Variants in RBFOX1 observed in about 807,000 individuals in gnomAD.
RBFOX1 encodes RNA binding protein fox-1 homolog 1.
Under a neutral mutation model 57.7 loss-of-function variants are expected in RBFOX1, and 8 were observed. The observed-to-expected ratio is 0.14, with a 90% CI of 0.08 to 0.25. The LOEUF is 0.25. RBFOX1 is among the 10% of genes least tolerant of loss of function. The probability of loss-of-function intolerance (pLI) is 1.00; values close to 1 mark genes in which losing one functional copy is unlikely to be tolerated. For missense variants in RBFOX1, 611 were observed against 548.5 expected, an observed-to-expected ratio of 1.11 and a Z score of -1.14; for synonymous variants, 326 against 222.4, an observed-to-expected ratio of 1.47 and a Z score of -4.15.
intron 5 of RBFOX1, among the ~76,000 whole-genome samples, chr16:7,567,407 CTA>C (rs374399963): frequency 2.9e-5 from 2 of 69,092 alleles, no homozygotes; most frequent in Admixed American, 1.5e-4. Context: ...ATATATATCC[CTA>C]TATATATATC....
chr16:5,506,115 C>T (rs1166252974), intron 2 of RBFOX1, among the ~76,000 whole-genome samples: 4 of 152,126 alleles, frequency 2.6e-5, no homozygotes. Context: ...CCTCACACAC[C>T]TCCTCCTGCT....
chr16:7,036,517 T>G (rs1032185078), intron 3 of RBFOX1, among the ~76,000 whole-genome samples: 4 of 151,792 alleles, frequency 2.6e-5, no homozygotes, highest in East Asian at 3.9e-4. Context: ...GAGACCAGCC[T>G]GGGTGTCTGT....
At chr16:5,551,915 T>C (rs866275954) in intron 2 of RBFOX1, among the ~76,000 whole-genome samples, 6 of 152,224 alleles carry the variant, frequency 3.9e-5, no homozygotes, top group African/African-American at 1.4e-4. Flanking sequence ...CCTGTGTGAG[T>C]TTGCTGAGAA....
At chr16:5,754,714 C>G (rs567875706) in intron 3 of RBFOX1, among the ~76,000 whole-genome samples, 22 of 57,162 alleles carry the variant, frequency 3.8e-4, no homozygotes, top group African/African-American at 1.5e-3. Context: ...TATGCATACA[C>G]ATAAACATCT....
At chr16:5,717,742 C>T (rs917524) in intron 3 of RBFOX1, among the ~76,000 whole-genome samples, 147,786 of 152,334 alleles carry the variant, frequency 0.97, 71,709 homozygotes, top group East Asian at 1. Context: ...CGGTAACTAC[C>T]AATAACAATA....
intron 4 of RBFOX1, among the ~76,000 whole-genome samples, chr16:7,439,769 C>T (rs1253197578): frequency 1.3e-5 from 2 of 152,052 alleles, no homozygotes; most frequent in Non-Finnish European, 2.9e-5. Context: ...TGAGCATCTA[C>T]CGCCAAATTT....
rs1339052753 is a variant in RBFOX1 at position 7,504,784 on chromosome 16, TA to T, written c.28-13362del. On this transcript the variant is annotated intron_variant, in intron 4 of 15. Transcript: ENST00000550418. ...ATATATATATATTTATATATATATA[TA>T]TTTATATATATATATATTTATATAT... Among the ~76,000 whole-genome samples the T allele has an allele frequency of 1.2e-3, 24 of 19,482 alleles. 2 individuals are homozygous for T. Among genetic ancestry groups the T allele is most frequent in the Non-Finnish European group, 2.8e-3 (18 of 6,526 alleles). The allele number at this position is 19,482 out of a possible 152,430, so 12.8% of individuals were successfully genotyped here.
chr16:5,414,043 G>A (rs1044438249), intron 1 of RBFOX1, among the ~76,000 whole-genome samples: 5 of 152,162 alleles, frequency 3.3e-5, no homozygotes, highest in African/African-American at 1.2e-4. Flanking sequence ...GATAAAGAAG[G>A]ACATCCCCAG....
intron 3 of RBFOX1, among the ~76,000 whole-genome samples, chr16:6,873,489 C>G (rs1180852535): frequency 6.6e-6 from 1 of 152,136 alleles, no homozygotes; most frequent in Non-Finnish European, 1.5e-5. Flanking sequence ...TTGCATAAAA[C>G]TTCCTCAAGG....
chr16:5,967,239 T>G (rs1048159645), intron 4 of RBFOX1, among the ~76,000 whole-genome samples: 4 of 152,198 alleles, frequency 2.6e-5, no homozygotes, highest in South Asian at 4.1e-4. Flanking sequence ...AAAGCTTTTT[T>G]GATCTACTAA....
At chr16:6,077,759 C>G (rs2095930109) in intron 1 of RBFOX1, among the ~76,000 whole-genome samples, 1 of 151,150 alleles carries the variant, frequency 6.6e-6, no homozygotes, top group African/African-American at 2.4e-5. Flanking sequence ...CTCTGTCACC[C>G]AGGCTGGAGT....
intron 4 of RBFOX1, among the ~76,000 whole-genome samples, chr16:7,096,200 C>T (rs1171821806): frequency 6.6e-6 from 1 of 151,922 alleles, no homozygotes; most frequent in Non-Finnish European, 1.5e-5. Flanking sequence ...AACCATCGAG[C>T]AAAAGTAGTC....
At chr16:7,621,435 AT>A (rs891171570) in intron 10 of RBFOX1, among the ~76,000 whole-genome samples, 3 of 151,620 alleles carry the variant, frequency 2.0e-5, no homozygotes, top group East Asian at 2.0e-4. Flanking sequence ...TAATTATTGT[AT>A]TTTTTTGTTA....
At chr16:6,455,622 C>T (rs2094751281) in intron 2 of RBFOX1, among the ~76,000 whole-genome samples, 1 of 152,138 alleles carries the variant, frequency 6.6e-6, no homozygotes, top group Admixed American at 6.6e-5. Flanking sequence ...GCCTTCTTGT[C>T]CGAGGCTTAC....
At chr16:5,464,964 C>T (rs935797204) in intron 1 of RBFOX1, among the ~76,000 whole-genome samples, 1 of 152,172 alleles carries the variant, frequency 6.6e-6, no homozygotes, top group Admixed American at 6.5e-5. Flanking sequence ...AGAGACCCAC[C>T]TGAGCTGACA....
chr16:6,980,122 G>A (rs1009539110), intron 3 of RBFOX1, among the ~76,000 whole-genome samples: 3 of 152,152 alleles, frequency 2.0e-5, no homozygotes, highest in Admixed American at 6.5e-5. Flanking sequence ...CAGGCTGGAC[G>A]TATGTCACCT....
rs1238301380 is a variant in RBFOX1, at chr16:5,478,941, A to C, written c.258+11687A>C. ...GGGCAGAGGTGGGATCCTCACTATCACTAGCTGCAGGGCACCAGATTATAA... is the reference window on the plus strand; with the variant it reads ...GGGCAGAGGTGGGATCCTCACTATCCCTAGCTGCAGGGCACCAGATTATAA... On this transcript the variant is annotated intron_variant, in intron 2 of 2. Transcript: ENST00000585867. 3.3e-5 allele frequency among the ~76,000 whole-genome samples: 5 copies of C among 152,172 alleles called. No homozygotes were observed. In the East Asian group the frequency reaches 5.8e-4, roughly 18 times the overall value.
intron 2 of RBFOX1, among the ~76,000 whole-genome samples, chr16:6,599,468 A>G (rs2097821771): frequency 6.6e-6 from 1 of 152,176 alleles, no homozygotes; most frequent in African/African-American, 2.4e-5. Context: ...GACGCTTCAA[A>G]AAAATACTAA....
chr16:7,464,551 C>T (rs1036392223), intron 4 of RBFOX1, among the ~76,000 whole-genome samples: 2 of 152,106 alleles, frequency 1.3e-5, no homozygotes, highest in African/African-American at 4.8e-5. Context: ...GGGACATCTA[C>T]AAGCTATTGT....
Sources: gnomAD v4.1 joint callset for allele counts (sites outside exome capture counted in the v4.1 genomes callset) on GRCh38, gnomAD v4.1.1 for gene constraint, MANE v1.5 for transcripts, NCBI Gene and HGNC (gene_info 2026-07-23, HGNC 2026-07-21) for gene names.